KATNBL1: variants seen among roughly 807,000 people sequenced by gnomAD.
The protein encoded by KATNBL1 is katanin regulatory subunit B1 like 1.
KATNBL1 carries 28 observed loss-of-function variants against 44.7 expected under a neutral mutation model. That is an observed-to-expected ratio of 0.63 (90% confidence interval 0.46 to 0.86). The LOEUF is 0.86. Ranked by LOEUF, KATNBL1 falls within the 40% of genes least tolerant of loss-of-function variation. The pLI is 0.00. For synonymous variants in KATNBL1, 78 were observed against 114.9 expected (o/e 0.68, Z 2.06); for missense variants, 272 against 350.7 (o/e 0.78, Z 1.79).
At chr15:34,194,626 T>C (rs28652966) in intron 1 of KATNBL1, among the ~76,000 whole-genome samples, 50,286 of 151,758 alleles carry the variant, frequency 0.33, 8,832 homozygotes, top group African/African-American at 0.47. Context: ...CGTGTGGAGG[T>C]GGGGTTGGGA....
chr15:34,150,425 C>T (rs1290260876), intron 4 of KATNBL1, among the ~76,000 whole-genome samples: 1 of 152,102 alleles, frequency 6.6e-6, no homozygotes, highest in Non-Finnish European at 1.5e-5. Context: ...AAAACCCTGT[C>T]GCTATAGGAA....
chr15:34,189,276 A>G (rs8034315), intron 1 of KATNBL1, among the ~76,000 whole-genome samples: 50,383 of 152,130 alleles, frequency 0.33, 8,865 homozygotes, highest in African/African-American at 0.47. Context: ...CGCCCGCCTC[A>G]GCCTCCCAAA....
Position 34,141,668 on chromosome 15 carries a change from A to G in KATNBL1, c.*671T>C, listed in dbSNP as rs1303286297. ...ATGGTGCAGAGAGTGTTTCAAGAAC[A>G]CTCTACAAGAATGTAAACCCCTGAT... On this transcript the variant is annotated 3_prime_UTR_variant, in exon 10 of 10. Transcript: ENST00000256544. 6.6e-6 allele frequency: 1 copy of G among 152,580 alleles called. No individual in the cohort carries two copies. Among genetic ancestry groups the G allele is most frequent in the East Asian group, 1.9e-4 (1 of 5,202 alleles). The allele number at this position is 152,580 out of a possible 1,614,324, so 9.5% of individuals were successfully genotyped here.
intron 1 of KATNBL1, among the ~76,000 whole-genome samples, chr15:34,172,740 C>A (rs1597444870): frequency 1.5e-5 from 2 of 136,630 alleles, no homozygotes; most frequent in South Asian, 4.9e-4. Flanking sequence ...GACACACAGA[C>A]ACATAGACAC....
chr15:34,191,327 G>A (rs1376695436), intron 1 of KATNBL1, among the ~76,000 whole-genome samples: 2 of 151,430 alleles, frequency 1.3e-5, no homozygotes, highest in Non-Finnish European at 3.0e-5. Flanking sequence ...ACCACAATTT[G>A]TTTATTCACC....
At position 34,154,645 on chromosome 15, in the gene KATNBL1, T is replaced by C. The variant is rs773721102; in HGVS notation, c.157A>G (p.Arg53Gly). Reference sequence around the variant, plus strand: ...CACAAACTTTAAAGAAACTCTTACCTATTTATGTAAGCAGCCAACTGTTTT... The same window carrying C: ...CACAAACTTTAAAGAAACTCTTACCCATTTATGTAAGCAGCCAACTGTTTT... ...SPKQLAAYINRTVGQTVKSPD... is the reference protein window; with the variant it reads ...SPKQLAAYINGTVGQTVKSPD... The change falls in exon 3 of 10, where the codon AGA becomes GGA. Residue 53 changes from arginine (R) to glycine (G), a missense_variant and splice_region_variant. Around this residue, in one of 3 missense-constraint regions of KATNBL1, gnomAD observed 122 missense variants for 125.0 expected, o/e 0.98. Coordinates refer to ENST00000256544, the MANE Select transcript of KATNBL1 (RefSeq NM_024713.3). The C allele has an allele frequency of 6.4e-7, 1 of 1,572,644 alleles. No individual in the cohort carries two copies. Among genetic ancestry groups the C allele is most frequent in the African/African-American group, 1.3e-5 (1 of 74,174 alleles).
intron 1 of KATNBL1, among the ~76,000 whole-genome samples, chr15:34,207,435 C>T (rs955168279): frequency 4.6e-5 from 7 of 152,006 alleles, no homozygotes; most frequent in Non-Finnish European, 8.8e-5. Flanking sequence ...GTCTCGATCT[C>T]CTGACCTTGT....
chr15:34,177,692 A>C (rs1889378867), intron 1 of KATNBL1: 1 of 151,768 alleles, frequency 6.6e-6, no homozygotes, highest in Non-Finnish European at 1.5e-5. Flanking sequence ...TACTTAAAAT[A>C]ATGAGAAAAA....
At chr15:34,205,689 G>GC (rs1221082403) in intron 1 of KATNBL1, among the ~76,000 whole-genome samples, 2 of 152,194 alleles carry the variant, frequency 1.3e-5, no homozygotes, top group African/African-American at 4.8e-5. Flanking sequence ...CAGAGCATCT[G>GC]CGCAGTACTC....
At chr15:34,194,418 G>A (rs540189664) in intron 1 of KATNBL1, among the ~76,000 whole-genome samples, 51 of 152,148 alleles carry the variant, frequency 3.4e-4, no homozygotes, top group African/African-American at 1.2e-3. Flanking sequence ...AGGCCAGCCT[G>A]GGCAACATAC....
intron 1 of KATNBL1, among the ~76,000 whole-genome samples, chr15:34,188,160 A>AAAAAAAAAAAAAAAAAAAAAAAAAG: frequency 6.7e-6 from 1 of 149,094 alleles, no homozygotes; most frequent in Non-Finnish European, 1.5e-5. Context: ...AAAAAAAAAA[A>AAAAAAAAAAAAAAAAAAAAAAAAAG]AAAAAGAAAA....
At chr15:34,188,491 G>T (rs954213663) in intron 1 of KATNBL1, among the ~76,000 whole-genome samples, 1 of 152,190 alleles carries the variant, frequency 6.6e-6, no homozygotes, top group African/African-American at 2.4e-5. Context: ...GGGAGGTGGA[G>T]GTTGCAGTGA....
At chr15:34,177,633 T>TTAAAAAAAAAAA (rs753939677) in intron 1 of KATNBL1, among the ~76,000 whole-genome samples, 2 of 91,906 alleles carry the variant, frequency 2.2e-5, no homozygotes, top group African/African-American at 7.8e-5. Context: ...AACTCTGTCT[T>TTAAAAAAAAAAA]AAAAAAAAAA....
chr15:34,195,690 C>CAA (rs5811824), intron 1 of KATNBL1, among the ~76,000 whole-genome samples: 116 of 111,380 alleles, frequency 1.0e-3, no homozygotes, highest in Middle Eastern at 5.1e-3. Flanking sequence ...GACGCCATCT[C>CAA]AAAAAAAAAA....
At chr15:34,152,351 C>A (rs1244737898) in intron 4 of KATNBL1, among the ~76,000 whole-genome samples, 1 of 152,038 alleles carries the variant, frequency 6.6e-6, no homozygotes, top group African/African-American at 2.4e-5. Flanking sequence ...TTACAGGCGC[C>A]CCCCACCATG....
At chr15:34,143,892 G>C (rs1188607992) in intron 9 of KATNBL1, among the ~76,000 whole-genome samples, 1 of 149,090 alleles carries the variant, frequency 6.7e-6, no homozygotes, top group Non-Finnish European at 1.5e-5. Flanking sequence ...GCGTGAACCT[G>C]GGAGGTGGAG....
rs58824450 is a variant in KATNBL1, at chr15:34,151,436, CTTTTTTTTTTTTTTTTTTT to C, written c.438+1335_438+1353del. 3.0e-4 allele frequency among the ~76,000 whole-genome samples: 18 copies of C among 60,710 alleles called. No homozygotes were observed. The Admixed American group carries it at 4.5e-3, about 15-fold the overall frequency. 39.8% of individuals were successfully genotyped at this position (60,710 alleles called of 152,430 possible). ...AAGTGTCTATTGTGTCCTTTGCCTA[CTTTTTTTTTTTTTTTTTTT>C]TTTTTTTTTTTTTTGAGACAGAATC... On this transcript the variant is annotated intron_variant, in intron 4 of 9. Coordinates refer to ENST00000256544, the MANE Select transcript of KATNBL1 (RefSeq NM_024713.3).
At chr15:34,170,832 G>A (rs1265233809) in intron 1 of KATNBL1, among the ~76,000 whole-genome samples, 1 of 152,140 alleles carries the variant, frequency 6.6e-6, no homozygotes, top group Non-Finnish European at 1.5e-5. Flanking sequence ...CAAGCAATGG[G>A]GAAAGGATTC....
rs181926405 is a variant in KATNBL1 at position 34,181,935 on chromosome 15, T to C, written c.-14-18245A>G. Among the ~76,000 whole-genome samples, 648 of 146,614 alleles carry C rather than the reference T, an allele frequency of 4.4e-3. 7 individuals are homozygous for C. Among genetic ancestry groups the C allele is most frequent in the African/African-American group, 0.015 (612 of 40,014 alleles). On this transcript the variant is annotated intron_variant, in intron 1 of 9. Coordinates refer to ENST00000256544, the MANE Select transcript of KATNBL1 (RefSeq NM_024713.3). Reference sequence around the variant, plus strand: ...TTGCTGGGGAAAGATTCCACTACGATAGTGTTAACAGTATCATTAAAAATA... The same window carrying C: ...TTGCTGGGGAAAGATTCCACTACGACAGTGTTAACAGTATCATTAAAAATA...
Sources: gnomAD v4.1 joint callset for allele counts (sites outside exome capture counted in the v4.1 genomes callset) on GRCh38, gnomAD v4.1.1 for gene constraint, gnomAD v4.1.1 regional missense constraint, MANE v1.5 for transcripts, NCBI Gene and HGNC (gene_info 2026-07-23, HGNC 2026-07-21) for gene names.